GBE1: variants seen among roughly 807,000 people sequenced by gnomAD.
GBE1 encodes the protein 1,4-alpha-glucan-branching enzyme.
A neutral mutation model predicts 88.8 loss-of-function variants in GBE1; 70 were observed. The ratio of observed to expected loss-of-function variants is 0.79; its 90% CI spans 0.65 to 0.96. GBE1 has a LOEUF of 0.96. Among genes scored for constraint, GBE1 ranks in the 40% least tolerant of loss-of-function variants. GBE1 has a pLI of 0.00. For missense variants in GBE1, 872 were observed against 871.0 expected, an observed-to-expected ratio of 1.00 and a Z score of -0.01; for synonymous variants, 284 against 300.1, an observed-to-expected ratio of 0.95 and a Z score of 0.56.
chr3:81,685,403 CTGTT>C (rs771296277), intron 2 of GBE1, among the ~76,000 whole-genome samples: 224 of 151,898 alleles, frequency 1.5e-3, no homozygotes, highest in African/African-American at 4.7e-3. Flanking sequence ...TTGTTGTCTT[CTGTT>C]TGTTTGTTTG....
chr3:81,706,029 G>C (rs1043873687), intron 1 of GBE1, among the ~76,000 whole-genome samples: 1 of 151,964 alleles, frequency 6.6e-6, no homozygotes, highest in Non-Finnish European at 1.5e-5. Context: ...CCTACTGCAG[G>C]GTTTGGCAAA....
intron 2 of GBE1, among the ~76,000 whole-genome samples, chr3:81,686,625 G>A (rs1482990241): frequency 2.0e-5 from 3 of 151,972 alleles, no homozygotes; most frequent in African/African-American, 4.8e-5. Flanking sequence ...GTATGGTGGC[G>A]TATGCCTGTA....
rs17856389 is a variant in GBE1, at chr3:81,642,980, T to C, written c.793A>G (p.Thr265Ala). Residue 265 changes from threonine (T) to alanine (A), a missense_variant, in exon 7 of 16, where the codon ACA becomes GCA. Thr to Ala is a moderately conservative substitution (Grantham distance 58, BLOSUM62 0). Transcript: ENST00000429644. ...ACCAGTTCTTGTAGCTCTTCAGGTGTTCCATAACGGCTAACAATGAAGAAC... is the reference window on the plus strand; with the variant it reads ...ACCAGTTCTTGTAGCTCTTCAGGTGCTCCATAACGGCTAACAATGAAGAAC... Reference protein sequence around the residue: ...SFFAASSRYGTPEELQELVDT... With the variant: ...SFFAASSRYGAPEELQELVDT... 13 of 1,607,210 alleles carry C rather than the reference T, an allele frequency of 8.1e-6. No individual in the cohort carries two copies. Among genetic ancestry groups the C allele is most frequent in the Non-Finnish European group, 5.1e-6 (6 of 1,175,758 alleles).
chr3:81,752,276 T>G (rs983735706), intron 1 of GBE1, among the ~76,000 whole-genome samples: 2 of 152,182 alleles, frequency 1.3e-5, no homozygotes, highest in African/African-American at 4.8e-5. Flanking sequence ...ATGTTCAGAC[T>G]CCACTAGAAT....
intron 2 of GBE1, among the ~76,000 whole-genome samples, chr3:81,673,884 C>T (rs1033931853): frequency 6.6e-6 from 1 of 151,802 alleles, no homozygotes; most frequent in African/African-American, 2.4e-5. Flanking sequence ...TCTTGCCAAA[C>T]ACAAATCTTT....
chr3:81,498,230 ACT>A (rs1702542711), intron 15 of GBE1, among the ~76,000 whole-genome samples: 1 of 152,114 alleles, frequency 6.6e-6, no homozygotes, highest in Non-Finnish European at 1.5e-5. Flanking sequence ...TGCTGGCATC[ACT>A]CTGAGAAGTG....
intron 14 of GBE1, among the ~76,000 whole-genome samples, chr3:81,526,827 TC>T (rs1471911569): frequency 6.6e-6 from 1 of 152,046 alleles, no homozygotes; most frequent in Non-Finnish European, 1.5e-5. Context: ...GCCATCCCCA[TC>T]CAGCTACCAA....
Position 81,733,766 on chromosome 3 carries a change from G to C in GBE1, c.143+27609C>G, listed in dbSNP as rs1406927274. ...TCATCCAATATTTGTGATGTTTATT[G>C]TGTATCGCCTGTCTCCTGCTGCTGG... On this transcript the variant is annotated intron_variant, in intron 1 of 15. Coordinates refer to ENST00000429644, the MANE Select transcript of GBE1 (RefSeq NM_000158.4). This position sits in a 1 kb window ranked among gnomAD's most constrained non-coding sequence, Gnocchi z 4.0. 6.6e-6 allele frequency among the ~76,000 whole-genome samples: 1 copy of C among 151,982 alleles called. No homozygotes were observed. The highest frequency in any genetic ancestry group is 1.9e-4 in the East Asian group (1 of 5,184).
At chr3:81,599,426 A>T (rs542199424) in intron 7 of GBE1, among the ~76,000 whole-genome samples, 1 of 152,196 alleles carries the variant, frequency 6.6e-6, no homozygotes, top group East Asian at 1.9e-4. Context: ...AAGAAAAAAT[A>T]ACCCACTCTA....
At chr3:81,597,613 C>G (rs910080754) in intron 7 of GBE1, among the ~76,000 whole-genome samples, 9 of 151,008 alleles carry the variant, frequency 6.0e-5, no homozygotes, top group Admixed American at 6.0e-4. Context: ...GTGCTATTCA[C>G]ACTGTGCATA....
At chr3:81,654,702 A>G (rs1704905868) in intron 3 of GBE1, 1 of 152,226 alleles carries the variant, frequency 6.6e-6, no homozygotes, top group Non-Finnish European at 1.5e-5. Flanking sequence ...CAAGATAACT[A>G]TTTGATAGGC....
At chr3:81,719,103 T>C (rs374949117) in intron 1 of GBE1, among the ~76,000 whole-genome samples, 11 of 152,284 alleles carry the variant, frequency 7.2e-5, no homozygotes, top group South Asian at 6.2e-4. Flanking sequence ...AAAATAAAAT[T>C]GGTGGAAAAC....
At chr3:81,751,723 A>G (rs1352155638) in intron 1 of GBE1, among the ~76,000 whole-genome samples, 1 of 152,164 alleles carries the variant, frequency 6.6e-6, no homozygotes, top group Non-Finnish European at 1.5e-5. Context: ...CTATTTCTAT[A>G]ATTCATTGCT....
intron 7 of GBE1, among the ~76,000 whole-genome samples, chr3:81,604,135 C>A (rs577065584): frequency 6.6e-6 from 1 of 152,232 alleles, no homozygotes; most frequent in Middle Eastern, 3.4e-3. Flanking sequence ...GTTTTCCCAA[C>A]ATAATCATAA....
intron 15 of GBE1, among the ~76,000 whole-genome samples, chr3:81,494,297 A>T (rs1702475198): frequency 6.6e-6 from 1 of 152,198 alleles, no homozygotes; most frequent in Non-Finnish European, 1.5e-5. Context: ...AGAACGTAAG[A>T]TAATCAGAGC....
chr3:81,505,822 C>T (rs1199815542), intron 14 of GBE1, among the ~76,000 whole-genome samples: 1 of 151,898 alleles, frequency 6.6e-6, no homozygotes, highest in African/African-American at 2.4e-5. Context: ...CTAGAGTACA[C>T]ATTAAACTTA....
At chr3:81,522,564 T>C (rs968184956) in intron 14 of GBE1, among the ~76,000 whole-genome samples, 1 of 151,368 alleles carries the variant, frequency 6.6e-6, no homozygotes, top group Non-Finnish European at 1.5e-5. Flanking sequence ...TTAAAATATA[T>C]AAAGTAAAAA....
Position 81,509,294 on chromosome 3 carries a change from CTTT to C in GBE1, c.1935-10070_1935-10068del, listed in dbSNP as rs34753672. 1.9e-4 allele frequency among the ~76,000 whole-genome samples: 24 copies of C among 123,780 alleles called. 1 individual carries two copies. The highest frequency in any genetic ancestry group is 6.7e-4 in the African/African-American group (22 of 33,016). The allele number at this position is 123,780 out of a possible 152,430, so 81.2% of individuals were successfully genotyped here. ...TCTTTTTTTAAATTTTAGGGTTTGT[CTTT>C]TTTTTTTTTTTTTTATAAAAAAGAA... On this transcript the variant is annotated intron_variant, in intron 14 of 15. Transcript: ENST00000429644.
intron 2 of GBE1, among the ~76,000 whole-genome samples, chr3:81,697,627 T>C (rs1207515661): frequency 1.3e-5 from 2 of 152,160 alleles, no homozygotes; most frequent in Non-Finnish European, 2.9e-5. Context: ...ATGCCCTCTC[T>C]GGGCAAGCCA....
Sources: gnomAD v4.1 joint callset for allele counts (sites outside exome capture counted in the v4.1 genomes callset) on GRCh38, gnomAD v4.1.1 for gene constraint, Gnocchi (gnomAD v3.1) non-coding constraint, MANE v1.5 for transcripts, NCBI Gene and HGNC (gene_info 2026-07-23, HGNC 2026-07-21) for gene names.